SBF2: variants seen among roughly 807,000 people sequenced by gnomAD.
SBF2 encodes the protein myotubularin-related protein 13.
In SBF2, 112 loss-of-function variants were observed where a neutral mutation model predicts 225.2. That is an observed-to-expected ratio of 0.50 (90% CI 0.43 to 0.58). The LOEUF is 0.58. Ranked by LOEUF, SBF2 falls within the 20% of genes least tolerant of loss-of-function variation. The probability of loss-of-function intolerance (pLI) is 0.00; values close to 1 mark genes in which losing one functional copy is unlikely to be tolerated. For synonymous variants in SBF2, 763 were observed against 773.3 expected, an observed-to-expected ratio of 0.99 and a Z score of 0.22; for missense variants, 1,996 against 2,206.2, an observed-to-expected ratio of 0.90 and a Z score of 1.91.
At chr11:10,112,088 G>A (rs1952892963) in intron 2 of SBF2, among the ~76,000 whole-genome samples, 1 of 152,206 alleles carries the variant, frequency 6.6e-6, no homozygotes, top group Non-Finnish European at 1.5e-5. Flanking sequence ...GACCAGCCAT[G>A]AACTAAATGT....
chr11:10,172,958 G>A (rs781780198), intron 2 of SBF2, among the ~76,000 whole-genome samples: 13 of 152,166 alleles, frequency 8.5e-5, no homozygotes, highest in East Asian at 1.9e-4. Flanking sequence ...ATGAGCCAGC[G>A]TGCCTGGCCT....
At chr11:10,053,977 G>A (rs1402822974) in intron 2 of SBF2, among the ~76,000 whole-genome samples, 2 of 151,828 alleles carry the variant, frequency 1.3e-5, no homozygotes, top group African/African-American at 4.8e-5. Flanking sequence ...CTTTGGAAGA[G>A]AAGTCAATTT....
chr11:10,288,755 T>C (rs1360721259), intron 1 of SBF2, among the ~76,000 whole-genome samples: 1 of 152,158 alleles, frequency 6.6e-6, no homozygotes, highest in Non-Finnish European at 1.5e-5. Flanking sequence ...CTGTAACTGG[T>C]TGTCCCATCA....
chr11:9,921,719 T>C (rs1239048010), intron 16 of SBF2, among the ~76,000 whole-genome samples: 3 of 152,222 alleles, frequency 2.0e-5, no homozygotes, highest in African/African-American at 7.2e-5. Flanking sequence ...TTCATACTTA[T>C]GTCTTTATTT....
chr11:10,176,199 A>C (rs1370046670), intron 2 of SBF2, among the ~76,000 whole-genome samples: 1 of 147,324 alleles, frequency 6.8e-6, no homozygotes, highest in African/African-American at 2.5e-5. Context: ...CATTGTGTAG[A>C]GGGAAATTTA....
chr11:9,970,999 C>T (rs1732183343), intron 13 of SBF2, among the ~76,000 whole-genome samples: 2 of 152,090 alleles, frequency 1.3e-5, no homozygotes, highest in East Asian at 1.9e-4. Flanking sequence ...TGTTTTTGTT[C>T]TTCTCTGTTC....
intron 13 of SBF2, among the ~76,000 whole-genome samples, chr11:9,969,720 CCT>C (rs936353200): frequency 1.3e-5 from 2 of 152,170 alleles, no homozygotes; most frequent in African/African-American, 2.4e-5. Context: ...ACTCCCTATC[CCT>C]GTTATATTTT....
At chr11:10,123,269 T>A (rs570276808) in intron 2 of SBF2, among the ~76,000 whole-genome samples, 1 of 152,208 alleles carries the variant, frequency 6.6e-6, no homozygotes, top group Non-Finnish European at 1.5e-5. Context: ...AAGGGAAACA[T>A]AGGGTTCAGC....
intron 2 of SBF2, among the ~76,000 whole-genome samples, chr11:10,157,420 A>C (rs1955530087): frequency 6.6e-6 from 1 of 152,182 alleles, no homozygotes; most frequent in Non-Finnish European, 1.5e-5. Context: ...TGACAAATGG[A>C]ATCTAATTAA....
At chr11:10,019,816 C>T (rs1253498281) in intron 6 of SBF2, among the ~76,000 whole-genome samples, 1 of 152,118 alleles carries the variant, frequency 6.6e-6, no homozygotes, top group African/African-American at 2.4e-5. Context: ...AATCATCCTA[C>T]AATTGATGCA....
intron 2 of SBF2, among the ~76,000 whole-genome samples, chr11:10,127,655 A>G (rs1953821708): frequency 6.6e-6 from 1 of 152,158 alleles, no homozygotes; most frequent in Non-Finnish European, 1.5e-5. Context: ...AATTTTATCT[A>G]TTAACATCAC....
intron 3 of SBF2, among the ~76,000 whole-genome samples, chr11:10,040,509 G>C (rs1388630021): frequency 6.6e-6 from 1 of 151,456 alleles, no homozygotes; most frequent in Non-Finnish European, 1.5e-5. Context: ...AGACGAAAGA[G>C]AAATAAAAAC....
intron 1 of SBF2, among the ~76,000 whole-genome samples, chr11:10,242,581 T>C (rs935989277): frequency 6.6e-6 from 1 of 152,174 alleles, no homozygotes; most frequent in Admixed American, 6.5e-5. Context: ...TCCAACTGTA[T>C]GCTGTCTGCA....
At chr11:9,908,272 G>T (rs1457647897) in intron 16 of SBF2, among the ~76,000 whole-genome samples, 3 of 152,146 alleles carry the variant, frequency 2.0e-5, no homozygotes, top group Non-Finnish European at 4.4e-5. Context: ...AAAATATAGA[G>T]GATGAAGTTA....
chr11:10,258,631 C>G (rs1168051492), intron 1 of SBF2, among the ~76,000 whole-genome samples: 2 of 152,182 alleles, frequency 1.3e-5, no homozygotes, highest in Non-Finnish European at 2.9e-5. Context: ...ACTGCTCATC[C>G]ATACACCACT....
At chr11:10,044,795 G>A (rs957556859) in intron 2 of SBF2, among the ~76,000 whole-genome samples, 6 of 152,140 alleles carry the variant, frequency 3.9e-5, no homozygotes, top group South Asian at 2.1e-4. Flanking sequence ...ACTTCTACCC[G>A]CTCCCTTGCG....
chr11:10,202,559 G>A (rs1957601930), intron 1 of SBF2, among the ~76,000 whole-genome samples: 1 of 152,208 alleles, frequency 6.6e-6, no homozygotes. Flanking sequence ...GCCGAGGCGG[G>A]TGGATCACGA....
At chr11:9,909,105 CAAAA>C (rs941793799) in intron 16 of SBF2, among the ~76,000 whole-genome samples, 1 of 151,890 alleles carries the variant, frequency 6.6e-6, no homozygotes, top group Non-Finnish European at 1.5e-5. Context: ...TATTACTAAA[CAAAA>C]GAAAGATTAC....
chr11:9,974,261 T>G (rs57017265), intron 13 of SBF2, among the ~76,000 whole-genome samples: 24 of 152,120 alleles, frequency 1.6e-4, no homozygotes, highest in Non-Finnish European at 2.8e-4. Context: ...TCTCAACCTA[T>G]GCACTAATTG....
Sources: allele counts gnomAD v4.1 joint callset (sites outside exome capture counted in the v4.1 genomes callset), GRCh38; gene constraint gnomAD v4.1.1; transcripts MANE v1.5; gene names NCBI Gene and HGNC (gene_info 2026-07-23, HGNC 2026-07-21).